The following SNX30 variants were observed in gnomAD, a reference collection of about 807,000 sequenced individuals.
The protein encoded by SNX30 is sorting nexin-30.
Under a neutral mutation model 46.4 loss-of-function variants are expected in SNX30, and 24 were observed. The observed-to-expected ratio is 0.52, with a 90% CI of 0.37 to 0.73. The LOEUF is 0.73. Ranked by LOEUF, SNX30 falls within the 30% of genes least tolerant of loss-of-function variation. The pLI is 0.00. For missense variants in SNX30, 533 were observed against 555.7 expected (o/e 0.96, Z 0.41); for synonymous variants, 189 against 211.5 (o/e 0.89, Z 0.92).
At chr9:112,777,818 A>G (rs1349248687) in intron 1 of SNX30, among the ~76,000 whole-genome samples, 3 of 152,034 alleles carry the variant, frequency 2.0e-5, no homozygotes, top group Admixed American at 1.3e-4. Context: ...CACGCATTGT[A>G]TCATACCCAA....
intron 7 of SNX30, among the ~76,000 whole-genome samples, chr9:112,853,159 C>G (rs1226567578): frequency 6.6e-6 from 1 of 150,386 alleles, no homozygotes; most frequent in Non-Finnish European, 1.5e-5. Context: ...GCAGGATCAC[C>G]CCTAGTGATC....
At chr9:112,819,063 A>T (rs996570171) in intron 3 of SNX30, among the ~76,000 whole-genome samples, 2 of 152,196 alleles carry the variant, frequency 1.3e-5, no homozygotes, top group African/African-American at 4.8e-5. Flanking sequence ...AATAATTTTT[A>T]AAAAATAAAC....
chr9:112,822,642 A>G (rs999018), intron 3 of SNX30, among the ~76,000 whole-genome samples: 122,582 of 151,628 alleles, frequency 0.81, 49,543 homozygotes, highest in Middle Eastern at 0.86. Flanking sequence ...ACAGCATGCA[A>G]CACCATACAG....
chr9:112,766,747 A>G (rs147392122), intron 1 of SNX30, among the ~76,000 whole-genome samples: 3 of 152,218 alleles, frequency 2.0e-5, no homozygotes, highest in Non-Finnish European at 4.4e-5. Context: ...TTCACTTAGC[A>G]TAACATCCTT....
chr9:112,786,564 A>G (rs1241171154), intron 1 of SNX30, among the ~76,000 whole-genome samples: 1 of 151,826 alleles, frequency 6.6e-6, no homozygotes, highest in Non-Finnish European at 1.5e-5. Flanking sequence ...GCCCTTGTTT[A>G]CAGAGCTCAT....
chr9:112,871,234 C>T lies in SNX30; in HGVS notation c.*2391C>T, dbSNP rs936641871. On this transcript the variant is annotated 3_prime_UTR_variant, in exon 9 of 9. Coordinates refer to ENST00000374232, the MANE Select transcript of SNX30 (RefSeq NM_001012994.2). ...GTTATTGATAACAGAGCCAGGAAGT[C>T]CAGTGTACATTACAGATTTTCTGGG... 7.9e-5 allele frequency: 12 copies of T among 152,148 alleles called. No homozygotes were observed. The highest frequency in any genetic ancestry group is 2.9e-5 in the Non-Finnish European group (2 of 68,044). 9.4% of individuals were successfully genotyped at this position (152,148 alleles called of 1,614,324 possible). A position where few individuals can be genotyped will look rare whatever the true frequency, so the allele number is the denominator to read the frequency against.
Position 112,750,976 on chromosome 9 carries a change from G to A in SNX30, c.-26G>A, listed in dbSNP as rs1839264494. The A allele has an allele frequency of 8.2e-7, 1 of 1,219,778 alleles. No individual in the cohort carries two copies. The allele number at this position is 1,219,778 out of a possible 1,614,324, so 75.6% of individuals were successfully genotyped here. Reference sequence around the variant, plus strand: ...CGGCGGGCAGCAGGAGGAAGCGGCGGCGGCGCGTCCCGAGCGGTGCGCGCC... The same window carrying A: ...CGGCGGGCAGCAGGAGGAAGCGGCGACGGCGCGTCCCGAGCGGTGCGCGCC... On this transcript the variant is annotated 5_prime_UTR_variant, in exon 1 of 9. Transcript: ENST00000374232.
At chr9:112,821,381 CAT>C (rs1469984133) in intron 3 of SNX30, among the ~76,000 whole-genome samples, 3 of 151,798 alleles carry the variant, frequency 2.0e-5, no homozygotes, top group African/African-American at 7.3e-5. Flanking sequence ...CTTAAATTTT[CAT>C]AGTTCTTTTT....
chr9:112,819,873 C>T (rs12553181), intron 3 of SNX30, among the ~76,000 whole-genome samples: 23,817 of 152,234 alleles, frequency 0.16, 2,149 homozygotes, highest in Admixed American at 0.23. Context: ...TGTGAACCTC[C>T]ATCGCCTGAC....
intron 6 of SNX30, among the ~76,000 whole-genome samples, chr9:112,843,013 CTG>C (rs1479887801): frequency 6.6e-6 from 1 of 152,312 alleles, no homozygotes; most frequent in Admixed American, 6.5e-5. Flanking sequence ...ATCCTATAAA[CTG>C]TGTGTGTATA....
intron 1 of SNX30, among the ~76,000 whole-genome samples, chr9:112,804,060 C>T (rs1485554071): frequency 4.7e-5 from 7 of 148,954 alleles, no homozygotes; most frequent in Non-Finnish European, 7.4e-5. Context: ...GAGATGAACC[C>T]GGTACCTCAG....
At chr9:112,840,591 T>C (rs1286330055) in intron 6 of SNX30, among the ~76,000 whole-genome samples, 1 of 152,038 alleles carries the variant, frequency 6.6e-6, no homozygotes, top group South Asian at 2.1e-4. Flanking sequence ...GTTCAAGTGA[T>C]TCTCGTGCCT....
At chr9:112,774,327 A>G (rs554080772) in intron 1 of SNX30, among the ~76,000 whole-genome samples, 24 of 152,354 alleles carry the variant, frequency 1.6e-4, no homozygotes, top group African/African-American at 5.8e-4. Flanking sequence ...AGAAAAAAAG[A>G]AGATTCAAAT....
intron 7 of SNX30, among the ~76,000 whole-genome samples, chr9:112,855,060 A>C (rs938927109): frequency 3.3e-5 from 5 of 152,022 alleles, no homozygotes; most frequent in African/African-American, 1.2e-4. Flanking sequence ...CTATGTCCTC[A>C]AGCTTCCCCT....
chr9:112,869,293 G>T lies in SNX30; in HGVS notation c.*450G>T, dbSNP rs1841408142. 9.9e-6 allele frequency: 2 copies of T among 201,542 alleles called. No homozygotes were observed. The highest frequency in any genetic ancestry group is 9.6e-5 in the South Asian group (1 of 10,364). 12.5% of individuals were successfully genotyped at this position (201,542 alleles called of 1,614,324 possible). A position where few individuals can be genotyped will look rare whatever the true frequency, so the allele number is the denominator to read the frequency against. On this transcript the variant is annotated 3_prime_UTR_variant, in exon 9 of 9. Coordinates refer to ENST00000374232, the MANE Select transcript of SNX30 (RefSeq NM_001012994.2). ...TTTCTGTGGAAACCTGGCCCCTCTG[G>T]AATTGGCCTCTGTGGGCATTGACTC...
At chr9:112,764,772 T>C (rs1025438752) in intron 1 of SNX30, among the ~76,000 whole-genome samples, 9 of 152,268 alleles carry the variant, frequency 5.9e-5, no homozygotes, top group African/African-American at 1.7e-4. Context: ...ATAATAGATA[T>C]CTAGCTTGCA....
rs555218887 is a variant in SNX30, at chr9:112,816,198, T to C, written c.349-1507T>C. 4.6e-5 allele frequency among the ~76,000 whole-genome samples: 7 copies of C among 152,274 alleles called. No individual in the cohort carries two copies. The South Asian group carries it at 1.4e-3, about 32-fold the overall frequency. ...GGGCTCAAGGAGGCTTAGTGACATG[T>C]TAGGGATCTGGTAGGGATGCAAGAA... On this transcript the variant is annotated intron_variant, in intron 2 of 8. Transcript: ENST00000374232.
chr9:112,840,152 A>G (rs1040388073), intron 6 of SNX30, among the ~76,000 whole-genome samples: 1 of 152,194 alleles, frequency 6.6e-6, no homozygotes, highest in Non-Finnish European at 1.5e-5. Flanking sequence ...CCAAGCCAGG[A>G]TTGAATTTGG....
At chr9:112,824,519 T>G (rs1394393426) in intron 3 of SNX30, among the ~76,000 whole-genome samples, 1 of 149,884 alleles carries the variant, frequency 6.7e-6, no homozygotes, top group Non-Finnish European at 1.5e-5. Context: ...CCCTCACCCC[T>G]ACACCCAGGT....
Sources: gnomAD v4.1 joint callset for allele counts (sites outside exome capture counted in the v4.1 genomes callset) on GRCh38, gnomAD v4.1.1 for gene constraint, MANE v1.5 for transcripts, NCBI Gene and HGNC (gene_info 2026-07-23, HGNC 2026-07-21) for gene names.